The following LSS variants were observed in gnomAD, a reference collection of about 807,000 sequenced individuals.
LSS encodes the protein lanosterol synthase, also known as 2,3-epoxysqualene-lanosterol cyclase.
Under a neutral mutation model 110.3 loss-of-function variants are expected in LSS, and 90 were observed. The observed-to-expected ratio is 0.82, with a 90% CI of 0.69 to 0.97. LSS has a LOEUF of 0.97. LSS is among the 50% of genes least tolerant of loss of function. The pLI is 0.00. For synonymous variants in LSS, 433 were observed against 400.0 expected, an observed-to-expected ratio of 1.08 and a Z score of -0.98; for missense variants, 927 against 990.0, an observed-to-expected ratio of 0.94 and a Z score of 0.85.
chr21:46,213,702 TGA>T (rs1569029971), intron 10 of LSS, 34 bp downstream of exon 10: 16 of 1,578,916 alleles, frequency 1.0e-5, no homozygotes, highest in Middle Eastern at 3.3e-4. Context: ...CCAGTCTTCG[TGA>T]GAGGCCCCGC....
rs1188393939 is a variant in LSS, at chr21:46,227,668, G to C, written c.203C>G (p.Pro68Arg). 1 of 1,613,418 alleles carries C rather than the reference G, an allele frequency of 6.2e-7. No individual in the cohort carries two copies. The highest frequency in any genetic ancestry group is 1.1e-5 in the South Asian group (1 of 91,068). Residue 68 changes from proline (P) to arginine (R), a missense_variant, in exon 3 of 22, where the codon CCC becomes CGC. Physicochemically the swap from Pro to Arg is moderately radical, Grantham distance 103. Transcript: ENST00000397728. Reference protein sequence around the residue: ...LDTKNYFKDLPKAHTAFEGAL... With the variant: ...LDTKNYFKDLRKAHTAFEGAL... ...CCCCTCAAAGGCGGTGTGGGCTTTG[G>C]GCAAGTCCTTAAAGTAATTCTTCTG...
intron 17 of LSS, among the ~76,000 whole-genome samples, chr21:46,197,716 C>T (rs1450427689): frequency 7.9e-5 from 12 of 151,998 alleles, no homozygotes; most frequent in African/African-American, 2.7e-4. Context: ...GGTGAAACCC[C>T]GTCTCTACTA....
Position 46,190,966 on chromosome 21 carries a change from G to A in LSS, c.*138C>T. On this transcript the variant is annotated 3_prime_UTR_variant, in exon 22 of 22. Transcript: ENST00000397728. This position sits in a 1 kb window ranked among gnomAD's most constrained non-coding sequence, Gnocchi z 4.6. ...TGTCCCCATCCCTGCCTCCAGCCTG[G>A]CCCCCAGATTCACATCTATGAGATA... 3 of 1,005,148 alleles carry A rather than the reference G, an allele frequency of 3.0e-6. No homozygotes were observed. Among genetic ancestry groups the A allele is most frequent in the South Asian group, 1.7e-5 (1 of 59,822 alleles). 62.3% of individuals were successfully genotyped at this position (1,005,148 alleles called of 1,614,324 possible). A position where few individuals can be genotyped will look rare whatever the true frequency, so the allele number is the denominator to read the frequency against.
At chr21:46,199,518 CCCAAATGAGCTGAAA>C (rs2079952247) in intron 17 of LSS, among the ~76,000 whole-genome samples, 1 of 152,190 alleles carries the variant, frequency 6.6e-6, no homozygotes, top group Non-Finnish European at 1.5e-5. Flanking sequence ...TTGGCATTTA[CCCAAATGAGCTGAAA>C]ACTTATGTGC....
intron 6 of LSS, 90 bp downstream of exon 6, chr21:46,219,386 G>C: frequency 1.2e-6 from 1 of 866,790 alleles, no homozygotes; most frequent in Non-Finnish European, 1.7e-6. Flanking sequence ...CCTCTCTGCT[G>C]TCACAGCCTG....
In LSS at chr21:46,228,468, G is replaced by C; in HGVS notation, c.146C>G (p.Thr49Ser). Residue 49 changes from threonine to serine, a missense_variant, in exon 2 of 22, where the codon ACC becomes AGC. By Grantham distance (58) the Thr-to-Ser change is moderately conservative. Coordinates refer to ENST00000397728, the MANE Select transcript of LSS (RefSeq NM_002340.6). ...CCCCAGGGCGTAGGCTTCCAGGCCGGTCTGCTCGCGGCCGGCGCGCTCGTC... is the reference window on the plus strand; with the variant it reads ...CCCCAGGGCGTAGGCTTCCAGGCCGCTCTGCTCGCGGCCGGCGCGCTCGTC... ...LQDERAGREQ[T>S]GLEAYALGLD... 2 of 1,603,702 alleles carry C rather than the reference G, an allele frequency of 1.2e-6. No homozygotes were observed. The highest frequency in any genetic ancestry group is 1.7e-6 in the Non-Finnish European group (2 of 1,179,610).
At chr21:46,192,633 G>A (rs1467907692) in intron 20 of LSS, 2 of 373,884 alleles carry the variant, frequency 5.3e-6, no homozygotes, top group African/African-American at 4.5e-5. Context: ...GGGTGCATCT[G>A]CATATGTGTG....
In LSS at chr21:46,210,722, C is replaced by T. The variant is rs376853194; in HGVS notation, c.1160G>A (p.Trp387Ter). 1.2e-6 allele frequency: 2 copies of T among 1,614,108 alleles called. No individual in the cohort carries two copies. Among genetic ancestry groups the T allele is most frequent in the Non-Finnish European group, 1.7e-6 (2 of 1,180,022 alleles). ...AGCCTGGATGGCGAATGCGGTGTCC[C>T]AGATCTGTGAGCCGTTGGTGCCCTA... The part of the protein sequence containing the change: ...KMQGTNGSQI[W>*]DTAFAIQALL... The change falls in exon 12 of 22, where the codon TGG becomes TAG. Residue 387 changes from tryptophan (W) to a stop codon, truncating the protein, a stop_gained. Coordinates refer to ENST00000397728, the MANE Select transcript of LSS (RefSeq NM_002340.6). LOFTEE classifies it high-confidence loss of function.
At position 46,190,009 on chromosome 21, in the gene LSS, G is replaced by A. The variant is rs553266758; in HGVS notation, c.*1095C>T. On this transcript the variant is annotated 3_prime_UTR_variant, in exon 22 of 22. Coordinates refer to ENST00000397728, the MANE Select transcript of LSS (RefSeq NM_002340.6). This position sits in a 1 kb window ranked among gnomAD's most constrained non-coding sequence, Gnocchi z 4.6. Reference sequence around the variant, plus strand: ...TCACAGGATTGCCTGGGGAAGCCTCGGCCCAAAACCTGGCCCTCGCTCCAG... The same window carrying A: ...TCACAGGATTGCCTGGGGAAGCCTCAGCCCAAAACCTGGCCCTCGCTCCAG... 16 of 292,734 alleles carry A rather than the reference G, an allele frequency of 5.5e-5. No homozygotes were observed. The highest frequency in any genetic ancestry group is 1.2e-4 in the East Asian group (1 of 8,032). The allele number at this position is 292,734 out of a possible 1,614,324, so 18.1% of individuals were successfully genotyped here. A position where few individuals can be genotyped will look rare whatever the true frequency, so the allele number is the denominator to read the frequency against.
chr21:46,210,767 C>T lies in LSS; in HGVS notation c.1138-23G>A, dbSNP rs182854460. On this transcript the variant is annotated intron_variant, in intron 11 of 21. Transcript: ENST00000397728. ...GCCCTACACACAAAGGATGGTGTTACAGCAGCAGATGCAGCCCCTCCCACT... is the reference window on the plus strand; with the variant it reads ...GCCCTACACACAAAGGATGGTGTTATAGCAGCAGATGCAGCCCCTCCCACT... 2.6e-5 allele frequency: 42 copies of T among 1,612,240 alleles called. No individual in the cohort carries two copies. In the East Asian group the frequency reaches 8.7e-4, roughly 33 times the overall value.
At position 46,215,171 on chromosome 21, in the gene LSS, G is replaced by T; in HGVS notation, c.1011+9C>A. On this transcript the variant is annotated intron_variant, in intron 9 of 21. Coordinates refer to ENST00000397728, the MANE Select transcript of LSS (RefSeq NM_002340.6). ...GGGCTGCAGTCAGAGGCCGGGCAGG[G>T]GCACTGACCGGGCCGATGCTGATGC... The T allele has an allele frequency of 6.2e-7, 1 of 1,605,998 alleles. No homozygotes were observed.
chr21:46,226,677 G>A (rs1474261953), intron 3 of LSS, among the ~76,000 whole-genome samples: 7 of 152,160 alleles, frequency 4.6e-5, no homozygotes, highest in Admixed American at 4.6e-4. Context: ...AAACACCATG[G>A]AACTGTTTTT....
intron 17 of LSS, among the ~76,000 whole-genome samples, chr21:46,203,963 A>C (rs79600602): frequency 0.014 from 2,105 of 152,356 alleles, 58 homozygotes; most frequent in African/African-American, 0.049. Flanking sequence ...TGAAAATCAA[A>C]TATCTAAGTA....
chr21:46,195,021 G>GA (rs1429461785), intron 19 of LSS, among the ~76,000 whole-genome samples: 1 of 152,198 alleles, frequency 6.6e-6, no homozygotes, highest in East Asian at 1.9e-4. Context: ...CAGACTCTGG[G>GA]AGACAGTGGG....
rs1459069683 is a variant in LSS at position 46,189,040 on chromosome 21, G to A, written c.*2064C>T. ...CTAAACCAGGCTGGGCCTCCCACTC[G>A]CCCCACAGGCAGGTGACGTATGACA... On this transcript the variant is annotated 3_prime_UTR_variant, in exon 22 of 22. Coordinates refer to ENST00000397728, the MANE Select transcript of LSS (RefSeq NM_002340.6). 1.7e-5 allele frequency: 5 copies of A among 293,358 alleles called. No individual in the cohort carries two copies. The highest frequency in any genetic ancestry group is 2.7e-5 in the Non-Finnish European group (4 of 147,716). 18.2% of individuals were successfully genotyped at this position (293,358 alleles called of 1,614,324 possible).
At chr21:46,214,400 G>A (rs1035459048) in intron 9 of LSS, among the ~76,000 whole-genome samples, 1 of 152,222 alleles carries the variant, frequency 6.6e-6, no homozygotes, top group African/African-American at 2.4e-5. Flanking sequence ...CCACATCACT[G>A]CTGAGCAAAA....
In LSS at chr21:46,190,792, C is replaced by T. The variant is rs1450717581; in HGVS notation, c.*312G>A. 1 of 367,334 alleles carries T rather than the reference C, an allele frequency of 2.7e-6. No homozygotes were observed. The highest frequency in any genetic ancestry group is 5.0e-6 in the Non-Finnish European group (1 of 200,148). The allele number at this position is 367,334 out of a possible 1,614,324, so 22.8% of individuals were successfully genotyped here. A position where few individuals can be genotyped will look rare whatever the true frequency, so the allele number is the denominator to read the frequency against. On this transcript the variant is annotated 3_prime_UTR_variant, in exon 22 of 22. Coordinates refer to ENST00000397728, the MANE Select transcript of LSS (RefSeq NM_002340.6). The surrounding 1 kb of genome is among the most constrained non-coding windows in gnomAD (Gnocchi z 4.6). ...TTGGTCAGAAAAAACCTCCTAGCCT[C>T]ACTACCTTGAGGCCGTGCCCAGAGG...
intron 17 of LSS, among the ~76,000 whole-genome samples, chr21:46,197,211 T>C (rs1428884756): frequency 1.3e-5 from 2 of 152,200 alleles, no homozygotes; most frequent in South Asian, 2.1e-4. Flanking sequence ...AATAAAAAGA[T>C]AGAACTACAG....
At chr21:46,202,208 A>C (rs1370167833) in intron 17 of LSS, among the ~76,000 whole-genome samples, 103 of 143,000 alleles carry the variant, frequency 7.2e-4, no homozygotes, top group African/African-American at 1.4e-3. Context: ...TCCTGGCTAA[A>C]ACGGTGAAAC....
Sources: gnomAD v4.1 joint callset for allele counts (sites outside exome capture counted in the v4.1 genomes callset) on GRCh38, gnomAD v4.1.1 for gene constraint, Gnocchi (gnomAD v3.1) non-coding constraint, MANE v1.5 for transcripts, NCBI Gene and HGNC (gene_info 2026-07-23, HGNC 2026-07-21) for gene names.